Variants in CTXN2 observed in about 807,000 individuals in gnomAD.
The protein encoded by CTXN2 is cortexin 2.
CTXN2 carries 3 observed loss-of-function variants against 5.7 expected under a neutral mutation model. The ratio of observed to expected loss-of-function variants is 0.53; its 90% confidence interval spans 0.24 to 1.36. The LOEUF is 1.36. Ranked by LOEUF, CTXN2 falls within the 40% of genes most tolerant of loss-of-function variation. The pLI is 0.17. For synonymous variants in CTXN2, 38 were observed against 36.4 expected (o/e 1.04, Z -0.16); for missense variants, 87 against 93.0 (o/e 0.94, Z 0.26).
chr15:48,187,212 A>G (rs1210620151), upstream of CTXN2, among the ~76,000 whole-genome samples: 1 of 152,066 alleles, frequency 6.6e-6, no homozygotes, highest in Non-Finnish European at 1.5e-5. Flanking sequence ...AGACATGGGT[A>G]GATAAAAATA....
At position 48,186,055 on chromosome 15, in the gene CTXN2, T is replaced by C. The variant is rs528915739; in HGVS notation, c.-454-5402T>C. Among the ~76,000 whole-genome samples, 4 of 152,324 alleles carry C rather than the reference T, an allele frequency of 2.6e-5. No individual in the cohort carries two copies. In the East Asian group the frequency reaches 7.7e-4, roughly 29 times the overall value. The stretch of plus-strand genomic sequence containing the variant: ...TCTATCTTTAGCAGAGCAAAATAAC[T>C]TAAGCTAATCTCTATATACTATACT... On this transcript the variant is annotated intron_variant, in intron 1 of 2. Coordinates refer to the CTXN2 transcript ENST00000644354.
intron 1 of CTXN2, among the ~76,000 whole-genome samples, chr15:48,181,622 A>AGAAAC (rs1185713662): frequency 5.9e-5 from 9 of 152,204 alleles, no homozygotes; most frequent in African/African-American, 2.2e-4. Flanking sequence ...TAAAAGAAAA[A>AGAAAC]GAAACTAGAC....
At chr15:48,195,506 C>G (rs186057830) in intron 1 of CTXN2, among the ~76,000 whole-genome samples, 1 of 152,130 alleles carries the variant, frequency 6.6e-6, no homozygotes, top group African/African-American at 2.4e-5. Flanking sequence ...ACCTTTCCAA[C>G]GCTTTGTTTC....
At chr15:48,187,075 A>C (rs1030886440), upstream of CTXN2, among the ~76,000 whole-genome samples, 1 of 152,124 alleles carries the variant, frequency 6.6e-6, no homozygotes, top group Non-Finnish European at 1.5e-5. Flanking sequence ...TGAATACCTG[A>C]GCTGTGAGCA....
intron 1 of CTXN2, among the ~76,000 whole-genome samples, chr15:48,184,934 C>T (rs2040733979): frequency 6.6e-6 from 1 of 151,964 alleles, no homozygotes; most frequent in South Asian, 2.1e-4. Flanking sequence ...TAAACTGTGG[C>T]ATATCCATAC....
At chr15:48,189,125 G>C (rs769464209), upstream of CTXN2, 2 of 152,056 alleles carry the variant, frequency 1.3e-5, no homozygotes, top group African/African-American at 2.4e-5. Flanking sequence ...GCTTGAAAAG[G>C]GTCAGGGTCA....
At chr15:48,191,895 C>G (rs2040827143) in intron 1 of CTXN2, 42 bp downstream of exon 1, 1 of 450,474 alleles carries the variant, frequency 2.2e-6, no homozygotes, top group Non-Finnish European at 4.5e-6. Context: ...TCCCCCTTCC[C>G]TCCGCATTAA....
At chr15:48,198,030 C>T (rs905793041) in intron 1 of CTXN2, among the ~76,000 whole-genome samples, 2 of 152,140 alleles carry the variant, frequency 1.3e-5, no homozygotes, top group African/African-American at 4.8e-5. Flanking sequence ...TAACCCTGTA[C>T]TTCCTGGCAC....
chr15:48,181,948 A>G (rs1466674149), intron 1 of CTXN2, among the ~76,000 whole-genome samples: 1 of 152,182 alleles, frequency 6.6e-6, no homozygotes, highest in African/African-American at 2.4e-5. Context: ...TTAAAATACT[A>G]TGGTTTATAT....
chr15:48,196,013 A>C (rs1296126852), intron 1 of CTXN2, among the ~76,000 whole-genome samples: 3 of 152,124 alleles, frequency 2.0e-5, no homozygotes, highest in African/African-American at 7.2e-5. Context: ...TGTTTCAATG[A>C]AAGTATAGTG....
intron 1 of CTXN2, among the ~76,000 whole-genome samples, chr15:48,196,052 C>A (rs2040876232): frequency 6.6e-6 from 1 of 152,058 alleles, no homozygotes; most frequent in Non-Finnish European, 1.5e-5. Flanking sequence ...TTATATGTGG[C>A]CTGACACATT....
At chr15:48,178,955 A>C (rs1324864335) in intron 1 of CTXN2, among the ~76,000 whole-genome samples, 2 of 151,686 alleles carry the variant, frequency 1.3e-5, no homozygotes, top group Non-Finnish European at 2.9e-5. Context: ...GGAATCCATA[A>C]TTATAAAATA....
intron 1 of CTXN2, among the ~76,000 whole-genome samples, chr15:48,181,703 T>A (rs2040703034): frequency 6.6e-6 from 1 of 152,196 alleles, no homozygotes; most frequent in African/African-American, 2.4e-5. Flanking sequence ...GCTGATATTC[T>A]AGCCCTAGAA....
chr15:48,198,162 G>C (rs756092746), intron 1 of CTXN2, among the ~76,000 whole-genome samples: 2 of 152,130 alleles, frequency 1.3e-5, no homozygotes, highest in Non-Finnish European at 2.9e-5. Flanking sequence ...ATGTAAGTCT[G>C]AGAATGCTAA....
At chr15:48,197,258 G>T (rs983074689) in intron 1 of CTXN2, among the ~76,000 whole-genome samples, 2 of 151,868 alleles carry the variant, frequency 1.3e-5, no homozygotes, top group African/African-American at 4.8e-5. Flanking sequence ...TATTTTCATG[G>T]TTCCCTTCTA....
Position 48,201,385 on chromosome 15 carries a change from A to T in CTXN2, c.85A>T (p.Thr29Ser). 6.4e-7 allele frequency: 1 copy of T among 1,551,406 alleles called. No homozygotes were observed. Among genetic ancestry groups the T allele is most frequent in the Non-Finnish European group, 8.7e-7 (1 of 1,146,754 alleles). ...SAFSLTLEQK[T>S]GFAFVGILCI... is the part of the protein sequence containing the mutation. ...TTTCTCATTGACTCTGGAGCAAAAA[A>T]CTGGCTTTGCTTTTGTTGGGATTTT... Residue 29 changes from threonine (T) to serine (S), a missense_variant, in exon 2 of 2, where the codon ACT becomes TCT. Physicochemically the swap from Thr to Ser is moderately conservative, Grantham distance 58 (BLOSUM62 1). Transcript: ENST00000417307.
chr15:48,194,489 T>C lies in CTXN2; in HGVS notation c.-58+2636T>C, dbSNP rs536194046. 2.0e-5 allele frequency among the ~76,000 whole-genome samples: 3 copies of C among 152,294 alleles called. No homozygotes were observed. In the South Asian group the frequency reaches 6.2e-4, roughly 32 times the overall value. ...CTAAATTTTTATAATGATGAAATAA[T>C]TCTGAATGCCAACCATAAGACCCTG... On this transcript the variant is annotated intron_variant, in intron 1 of 1. Coordinates refer to ENST00000417307, the MANE Select transcript of CTXN2 (RefSeq NM_001145668.2).
chr15:48,199,523 A>AT (rs1443361512), intron 1 of CTXN2, among the ~76,000 whole-genome samples: 1 of 152,232 alleles, frequency 6.6e-6, no homozygotes, highest in African/African-American at 2.4e-5. Flanking sequence ...CAACATCTCT[A>AT]TAGAGAAACA....
rs753357324 is a variant in CTXN2 at position 48,201,437 on chromosome 15, T to C, written c.137T>C (p.Ile46Thr). 2 of 1,551,382 alleles carry C rather than the reference T, an allele frequency of 1.3e-6. No homozygotes were observed. Among genetic ancestry groups the C allele is most frequent in the Admixed American group, 2.0e-5 (1 of 50,990 alleles). Reference sequence around the variant, plus strand: ...TGTATCTTCTTGGGACTTCTTATTATCCGATGCTTCAAAATCCTGCTAGAC... The same window carrying C: ...TGTATCTTCTTGGGACTTCTTATTACCCGATGCTTCAAAATCCTGCTAGAC... ...ILCIFLGLLI[I>T]RCFKILLDPY... The change falls in exon 2 of 2, where the codon ATC becomes ACC. Residue 46 changes from isoleucine (I) to threonine (T), a missense_variant. Transcript: ENST00000417307.
Sources: gnomAD v4.1 joint callset for allele counts (sites outside exome capture counted in the v4.1 genomes callset) on GRCh38, gnomAD v4.1.1 for gene constraint, MANE v1.5 for transcripts, NCBI Gene and HGNC (gene_info 2026-07-23, HGNC 2026-07-21) for gene names.